CRPPA: variants seen among roughly 807,000 people sequenced by gnomAD.
CRPPA encodes D-ribitol-5-phosphate cytidylyltransferase.
CRPPA carries 43 observed loss-of-function variants against 52.0 expected under a neutral mutation model. The observed-to-expected ratio is 0.83, with a 90% CI of 0.65 to 1.07. CRPPA has a LOEUF of 1.07. Among genes scored for constraint, CRPPA ranks in the 50% least tolerant of loss-of-function variants. CRPPA has a pLI of 0.00. For missense variants in CRPPA, 629 were observed against 551.7 expected (o/e 1.14, Z -1.40); for synonymous variants, 250 against 203.5 (o/e 1.23, Z -1.94).
At chr7:16,203,210 G>C (rs76024113) in intron 9 of CRPPA, among the ~76,000 whole-genome samples, 2,240 of 152,196 alleles carry the variant, frequency 0.015, 56 homozygotes, top group African/African-American at 0.051. Flanking sequence ...TTGCTAAAGA[G>C]GAAAGCTGCC....
chr7:16,365,543 A>G (rs1046638243), intron 3 of CRPPA, among the ~76,000 whole-genome samples: 1 of 152,204 alleles, frequency 6.6e-6, no homozygotes, highest in African/African-American at 2.4e-5. Flanking sequence ...ATAAATCTAC[A>G]TAAAGCAACA....
At chr7:16,264,179 A>G (rs1018617243) in intron 6 of CRPPA, among the ~76,000 whole-genome samples, 4 of 152,164 alleles carry the variant, frequency 2.6e-5, no homozygotes, top group Non-Finnish European at 4.4e-5. Context: ...ACCACAATAG[A>G]CAACGCTATT....
At chr7:16,192,040 G>A (rs528937872) in intron 9 of CRPPA, among the ~76,000 whole-genome samples, 1 of 152,028 alleles carries the variant, frequency 6.6e-6, no homozygotes. Flanking sequence ...TGGTGTTTCT[G>A]ATCTTTCTCT....
chr7:16,154,462 C>A (rs970326295), intron 9 of CRPPA, among the ~76,000 whole-genome samples: 3 of 151,946 alleles, frequency 2.0e-5, no homozygotes, highest in African/African-American at 7.3e-5. Flanking sequence ...ACTTGATTTC[C>A]CTCATGAATT....
intron 5 of CRPPA, among the ~76,000 whole-genome samples, chr7:16,296,828 C>T (rs1392518624): frequency 6.6e-6 from 1 of 152,150 alleles, no homozygotes. Context: ...TTTTCACACA[C>T]CTGTGATGCC....
intron 9 of CRPPA, among the ~76,000 whole-genome samples, chr7:16,127,048 T>C: frequency 6.6e-6 from 1 of 152,180 alleles, no homozygotes; most frequent in South Asian, 2.1e-4. Context: ...CTCACAGCAC[T>C]ACATTGTGAG....
chr7:16,108,500 A>C (rs1024908688), intron 9 of CRPPA, among the ~76,000 whole-genome samples: 1 of 151,984 alleles, frequency 6.6e-6, no homozygotes, highest in African/African-American at 2.4e-5. Flanking sequence ...ATGAGAATAC[A>C]ATAATAGTAG....
At chr7:16,318,856 C>T (rs144917291) in intron 3 of CRPPA, among the ~76,000 whole-genome samples, 54 of 152,302 alleles carry the variant, frequency 3.5e-4, no homozygotes, top group Non-Finnish European at 5.9e-4. Context: ...ACTGCAAGGG[C>T]ACAAAAGTAG....
intron 2 of CRPPA, among the ~76,000 whole-genome samples, chr7:16,381,200 T>C (rs1484410539): frequency 1.3e-5 from 2 of 152,236 alleles, no homozygotes; most frequent in African/African-American, 4.8e-5. Context: ...TTCATTGTTC[T>C]GGTTGGTTTC....
chr7:16,137,656 G>A (rs1034211390), intron 9 of CRPPA, among the ~76,000 whole-genome samples: 1 of 152,116 alleles, frequency 6.6e-6, no homozygotes, highest in African/African-American at 2.4e-5. Context: ...TCAATTATCT[G>A]ATCCCAACAA....
At chr7:16,325,385 T>C (rs62441888) in intron 3 of CRPPA, among the ~76,000 whole-genome samples, 41,461 of 152,074 alleles carry the variant, frequency 0.27, 5,861 homozygotes, top group Admixed American at 0.33. Context: ...ATAACTCAGG[T>C]CTCAGCAACT....
chr7:16,339,125 G>A (rs1407356681), intron 3 of CRPPA, among the ~76,000 whole-genome samples: 1 of 152,078 alleles, frequency 6.6e-6, no homozygotes, highest in African/African-American at 2.4e-5. Context: ...TTTTAAGGAA[G>A]AAGTTATACC....
rs1785131626 is a variant in CRPPA at position 16,315,767 on chromosome 7, C to T, written c.685-7140G>A. ...ACTGGGTCCTCCTGAAGCTAACTCACACTTGTCTATACTGAGTCTCTAGCA... is the reference window on the plus strand; with the variant it reads ...ACTGGGTCCTCCTGAAGCTAACTCATACTTGTCTATACTGAGTCTCTAGCA... On this transcript the variant is annotated intron_variant, in intron 3 of 9. Transcript: ENST00000407010. Among the ~76,000 whole-genome samples the T allele has an allele frequency of 3.3e-5, 5 of 152,068 alleles. No individual in the cohort carries two copies. In the South Asian group the frequency reaches 1.0e-3, roughly 32 times the overall value.
At chr7:16,204,968 A>G (rs1781938357) in intron 9 of CRPPA, among the ~76,000 whole-genome samples, 1 of 152,206 alleles carries the variant, frequency 6.6e-6, no homozygotes, top group Non-Finnish European at 1.5e-5. Context: ...TAGAGGAGAT[A>G]TCTCTCCACG....
intron 2 of CRPPA, among the ~76,000 whole-genome samples, chr7:16,381,116 T>C (rs549374163): frequency 1.3e-5 from 2 of 152,178 alleles, no homozygotes; most frequent in South Asian, 2.1e-4. Context: ...CTGCTTTCTC[T>C]TGTGGGCATT....
At chr7:16,387,167 A>G (rs1787310477) in intron 2 of CRPPA, among the ~76,000 whole-genome samples, 1 of 148,834 alleles carries the variant, frequency 6.7e-6, no homozygotes, top group African/African-American at 2.5e-5. Context: ...ATAAACTAAT[A>G]ATTATTAGGT....
At chr7:16,347,466 G>C (rs1161652289) in intron 3 of CRPPA, among the ~76,000 whole-genome samples, 1 of 152,102 alleles carries the variant, frequency 6.6e-6, no homozygotes, top group Non-Finnish European at 1.5e-5. Context: ...AAACTGAATA[G>C]AGTTCTACCA....
chr7:16,394,199 ATACTAGTAATGTT>A (rs1787514637), intron 2 of CRPPA, among the ~76,000 whole-genome samples: 1 of 152,168 alleles, frequency 6.6e-6, no homozygotes, highest in Admixed American at 6.5e-5. Context: ...AATAATATCC[ATACTAGTAATGTT>A]TACATCAGCA....
chr7:16,402,523 C>T (rs577793204), intron 2 of CRPPA, among the ~76,000 whole-genome samples: 54 of 152,136 alleles, frequency 3.5e-4, no homozygotes, highest in East Asian at 2.5e-3. Context: ...GTGAATTAAA[C>T]GACCAAGAAG....
Sources: gnomAD v4.1 joint callset for allele counts (sites outside exome capture counted in the v4.1 genomes callset) on GRCh38, gnomAD v4.1.1 for gene constraint, MANE v1.5 for transcripts, NCBI Gene and HGNC (gene_info 2026-07-23, HGNC 2026-07-21) for gene names.